Variants in CTNNA2 observed in about 807,000 individuals in gnomAD.
The protein encoded by CTNNA2 is catenin alpha 2, also known as catenin alpha-2.
CTNNA2 carries 42 observed loss-of-function variants against 101.0 expected under a neutral mutation model. The ratio of observed to expected loss-of-function variants is 0.42; its 90% CI spans 0.32 to 0.54. CTNNA2 has a LOEUF of 0.54. Ranked by LOEUF, CTNNA2 falls within the 20% of genes least tolerant of loss-of-function variation. The probability of loss-of-function intolerance (pLI) is 0.14; values close to 1 mark genes in which losing one functional copy is unlikely to be tolerated. For missense variants in CTNNA2, 871 were observed against 1,223.1 expected (o/e 0.71, Z 4.29); for synonymous variants, 450 against 456.4 (o/e 0.99, Z 0.18).
chr2:79,260,336 C>A (rs1674904151), intron 2 of CTNNA2, among the ~76,000 whole-genome samples: 1 of 152,138 alleles, frequency 6.6e-6, no homozygotes, highest in African/African-American at 2.4e-5. Flanking sequence ...AACACATGAG[C>A]ATTTGTAAAA....
intron 14 of CTNNA2, among the ~76,000 whole-genome samples, chr2:80,584,313 C>G (rs905445442): frequency 6.6e-6 from 1 of 151,794 alleles, no homozygotes; most frequent in South Asian, 2.1e-4. Flanking sequence ...GGGAGATAAG[C>G]TTTTAGTAAC....
At chr2:79,981,470 G>A (rs922554388) in intron 7 of CTNNA2, among the ~76,000 whole-genome samples, 3 of 152,050 alleles carry the variant, frequency 2.0e-5, no homozygotes, top group Admixed American at 6.6e-5. Context: ...TAATTTTTCA[G>A]CTATTTTATT....
intron 2 of CTNNA2, among the ~76,000 whole-genome samples, chr2:79,280,995 T>A (rs1197703002): frequency 6.6e-6 from 1 of 152,038 alleles, no homozygotes; most frequent in Admixed American, 6.6e-5. Flanking sequence ...TCAGCATAAC[T>A]TTTCCTGAGT....
intron 4 of CTNNA2, among the ~76,000 whole-genome samples, chr2:79,466,255 C>A (rs920782799): frequency 6.6e-6 from 1 of 152,200 alleles, no homozygotes; most frequent in Non-Finnish European, 1.5e-5. Flanking sequence ...TTGGAGGGTC[C>A]CATGCCCATG....
intron 3 of CTNNA2, among the ~76,000 whole-genome samples, chr2:79,748,764 C>T (rs1397633704): frequency 6.6e-6 from 1 of 151,638 alleles, no homozygotes; most frequent in African/African-American, 2.4e-5. Context: ...TCTTTTAAAC[C>T]TGGCTGCATG....
intron 7 of CTNNA2, among the ~76,000 whole-genome samples, chr2:79,969,481 GAA>G (rs1690320561): frequency 6.6e-6 from 1 of 152,182 alleles, no homozygotes; most frequent in Non-Finnish European, 1.5e-5. Context: ...GCGGTTAAAA[GAA>G]AGAGGTCAGA....
At chr2:79,450,214 T>C (rs1678875415) in intron 4 of CTNNA2, among the ~76,000 whole-genome samples, 1 of 151,874 alleles carries the variant, frequency 6.6e-6, no homozygotes, top group South Asian at 2.1e-4. Flanking sequence ...CCACCTGTCT[T>C]GGTCACATTT....
chr2:80,130,757 T>C (rs924634225), intron 7 of CTNNA2, among the ~76,000 whole-genome samples: 2 of 152,010 alleles, frequency 1.3e-5, no homozygotes, highest in African/African-American at 4.8e-5. Flanking sequence ...GTACTCTTTT[T>C]TTTTTAATTT....
chr2:80,403,410 AT>A (rs1678746142), intron 8 of CTNNA2, among the ~76,000 whole-genome samples: 1 of 152,304 alleles, frequency 6.6e-6, no homozygotes, highest in South Asian at 2.1e-4. Flanking sequence ...TGGACTCCAG[AT>A]TCGAAGACCT....
intron 7 of CTNNA2, among the ~76,000 whole-genome samples, chr2:80,347,379 A>G (rs1672835087): frequency 6.6e-6 from 1 of 152,116 alleles, no homozygotes; most frequent in South Asian, 2.1e-4. Flanking sequence ...GCCCCAAGAC[A>G]AGTGTAGAGA....
intron 3 of CTNNA2, among the ~76,000 whole-genome samples, chr2:79,314,520 G>A (rs1418836424): frequency 6.6e-6 from 1 of 152,216 alleles, no homozygotes; most frequent in Non-Finnish European, 1.5e-5. Flanking sequence ...TTATATTGAG[G>A]ATCCAGTAGT....
chr2:79,213,816 G>A (rs1026555408), intron 2 of CTNNA2, among the ~76,000 whole-genome samples: 4 of 152,140 alleles, frequency 2.6e-5, no homozygotes, highest in African/African-American at 7.2e-5. Flanking sequence ...AAGTATATGC[G>A]TCAGGTATGA....
chr2:79,436,024 G>C (rs138549610), intron 4 of CTNNA2, among the ~76,000 whole-genome samples: 1 of 151,934 alleles, frequency 6.6e-6, no homozygotes, highest in Non-Finnish European at 1.5e-5. Flanking sequence ...AAAACCACAC[G>C]GGTTCCTGAC....
chr2:80,416,906 C>A (rs900215943), intron 8 of CTNNA2, among the ~76,000 whole-genome samples: 3 of 151,922 alleles, frequency 2.0e-5, no homozygotes, highest in Non-Finnish European at 4.4e-5. Context: ...CCTTGAGTAT[C>A]TTAAAGACAA....
At chr2:79,766,765 T>G (rs1673188713) in intron 3 of CTNNA2, among the ~76,000 whole-genome samples, 1 of 93,754 alleles carries the variant, frequency 1.1e-5, no homozygotes, top group Non-Finnish European at 2.2e-5. Context: ...TCTTTTTTCT[T>G]TTTTTTTTAA....
At chr2:79,835,907 A>T (rs953349301) in intron 3 of CTNNA2, among the ~76,000 whole-genome samples, 9 of 152,054 alleles carry the variant, frequency 5.9e-5, no homozygotes, top group African/African-American at 2.2e-4. Flanking sequence ...TCAGAATTAC[A>T]GGTGTGAGCC....
At chr2:80,426,186 GA>G (rs929482313) in intron 9 of CTNNA2, among the ~76,000 whole-genome samples, 6 of 152,122 alleles carry the variant, frequency 3.9e-5, no homozygotes, top group Non-Finnish European at 8.8e-5. Flanking sequence ...AGCTGATCCA[GA>G]AACACCTGTG....
At chr2:79,493,254 A>T (rs1671222168) in intron 4 of CTNNA2, among the ~76,000 whole-genome samples, 1 of 152,132 alleles carries the variant, frequency 6.6e-6, no homozygotes, top group African/African-American at 2.4e-5. Context: ...AAGGGAAGGG[A>T]AAAAGGAAGG....
intron 7 of CTNNA2, among the ~76,000 whole-genome samples, chr2:80,115,331 G>T (rs1279451464): frequency 1.3e-5 from 2 of 152,142 alleles, no homozygotes; most frequent in African/African-American, 4.8e-5. Context: ...TATTTTAACA[G>T]ACATGGTATA....
Sources: allele counts gnomAD v4.1 joint callset (sites outside exome capture counted in the v4.1 genomes callset), GRCh38; gene constraint gnomAD v4.1.1; transcripts MANE v1.5; gene names NCBI Gene and HGNC (gene_info 2026-07-23, HGNC 2026-07-21).